Variants in USP49 observed in about 807,000 individuals in gnomAD.
USP49 encodes the protein ubiquitin specific peptidase 49, also known as ubiquitin carboxyl-terminal hydrolase 49.
A neutral mutation model predicts 58.6 loss-of-function variants in USP49; 24 were observed. The observed-to-expected ratio is 0.41, with a 90% CI of 0.30 to 0.58. The LOEUF is 0.58. Ranked by LOEUF, USP49 falls within the 20% of genes least tolerant of loss-of-function variation. USP49 has a pLI of 0.30. For missense variants in USP49, 703 were observed against 866.1 expected, an observed-to-expected ratio of 0.81 and a Z score of 2.36; for synonymous variants, 408 against 365.1, an observed-to-expected ratio of 1.12 and a Z score of -1.34.
rs1181910225 is a variant in USP49 at position 41,804,097 on chromosome 6, T to C, written c.1357-87A>G. 1.5e-5 allele frequency: 18 copies of C among 1,220,328 alleles called. 1 individual carries two copies. In the South Asian group the frequency reaches 2.3e-4, roughly 16 times the overall value. 75.6% of individuals were successfully genotyped at this position (1,220,328 alleles called of 1,614,324 possible). On this transcript the variant is annotated intron_variant, in intron 4 of 7. Coordinates refer to ENST00000682992, the MANE Select transcript of USP49 (RefSeq NM_001286554.2). ...CTTGCTTCATAAAAGACACACTTTA[T>C]CAAAACTAAGTGTATAATTTTCAAA...
At chr6:41,854,692 G>A (rs1055071436) in intron 3 of USP49, among the ~76,000 whole-genome samples, 11 of 152,138 alleles carry the variant, frequency 7.2e-5, no homozygotes, top group Admixed American at 2.0e-4. Context: ...GTACACACAC[G>A]TGTGCATTTT....
intron 3 of USP49, among the ~76,000 whole-genome samples, chr6:41,845,750 A>G (rs1212965364): frequency 1.4e-5 from 2 of 143,774 alleles, no homozygotes; most frequent in African/African-American, 2.5e-5. Context: ...AATTTTTTAA[A>G]TATTTTTTTT....
chr6:41,846,726 G>GTCC (rs1372158006), intron 3 of USP49, among the ~76,000 whole-genome samples: 1 of 152,208 alleles, frequency 6.6e-6, no homozygotes, highest in Non-Finnish European at 1.5e-5. Flanking sequence ...GTCCTTTCAT[G>GTCC]TCCTTCTTCC....
intron 7 of USP49, chr6:41,797,920 T>G: frequency 1.4e-6 from 1 of 725,470 alleles, no homozygotes; most frequent in Non-Finnish European, 1.7e-6. Flanking sequence ...CAGGCTAGAA[T>G]GCAGTGGTGA....
intron 2 of USP49, among the ~76,000 whole-genome samples, chr6:41,881,450 T>G (rs1248957545): frequency 1.3e-5 from 2 of 151,874 alleles, no homozygotes; most frequent in Non-Finnish European, 2.9e-5. Flanking sequence ...AAAAGATTCT[T>G]GGAAAGGTTA....
chr6:41,887,246 A>G (rs1561928004), intron 2 of USP49: 1 of 152,250 alleles, frequency 6.6e-6, no homozygotes. Flanking sequence ...AGATACAAGC[A>G]TCATACAAAA....
chr6:41,809,850 A>C (rs1174097095), intron 3 of USP49, among the ~76,000 whole-genome samples: 1 of 148,964 alleles, frequency 6.7e-6, no homozygotes, highest in East Asian at 2.0e-4. Flanking sequence ...ATAAATAAAA[A>C]TTAAAAAATA....
chr6:41,856,997 G>GA (rs1774143172), intron 3 of USP49, among the ~76,000 whole-genome samples: 1 of 152,158 alleles, frequency 6.6e-6, no homozygotes, highest in Non-Finnish European at 1.5e-5. Flanking sequence ...GGGAGTTTTG[G>GA]AAATGTATCC....
At chr6:41,821,833 A>G (rs1242047918) in intron 3 of USP49, among the ~76,000 whole-genome samples, 1 of 152,194 alleles carries the variant, frequency 6.6e-6, no homozygotes, top group Non-Finnish European at 1.5e-5. Flanking sequence ...GTCTCACTGT[A>G]GTCTCAGCAA....
At chr6:41,885,229 T>C (rs1317830746) in intron 2 of USP49, among the ~76,000 whole-genome samples, 1 of 152,222 alleles carries the variant, frequency 6.6e-6, no homozygotes, top group Non-Finnish European at 1.5e-5. Context: ...CATTATGCCA[T>C]GCTGCTAACA....
rs1043067237 is a variant in USP49, at chr6:41,873,491, G to A, written c.-102-1854C>T. ...TTTTAGGGAGAGCTTACAACTTCTAGTTCTAGGTTCGGGGATCTGAGGCAA... is the reference window on the plus strand; with the variant it reads ...TTTTAGGGAGAGCTTACAACTTCTAATTCTAGGTTCGGGGATCTGAGGCAA... On this transcript the variant is annotated intron_variant, in intron 2 of 7. Transcript: ENST00000682992. Among the ~76,000 whole-genome samples, 7 of 152,182 alleles carry A rather than the reference G, an allele frequency of 4.6e-5. No homozygotes were observed. The East Asian group carries it at 1.3e-3, about 29-fold the overall frequency.
intron 3 of USP49, among the ~76,000 whole-genome samples, chr6:41,822,759 C>T (rs1055898675): frequency 2.0e-5 from 3 of 150,740 alleles, no homozygotes; most frequent in African/African-American, 2.4e-5. Context: ...GCAGAAGAAT[C>T]GCTTGAGCCG....
chr6:41,854,796 C>T (rs1774096993), intron 3 of USP49, among the ~76,000 whole-genome samples: 1 of 152,074 alleles, frequency 6.6e-6, no homozygotes, highest in Non-Finnish European at 1.5e-5. Flanking sequence ...TATTCTGAGA[C>T]AGGGTCTCAC....
intron 2 of USP49, among the ~76,000 whole-genome samples, chr6:41,887,054 TATGAC>T (rs1459528882): frequency 6.6e-6 from 1 of 152,206 alleles, no homozygotes; most frequent in Non-Finnish European, 1.5e-5. Context: ...CAAGTGAGCA[TATGAC>T]ATATCCTACA....
chr6:41,845,520 C>CA (rs879844761), intron 3 of USP49, among the ~76,000 whole-genome samples: 18 of 139,754 alleles, frequency 1.3e-4, no homozygotes, highest in South Asian at 2.3e-4. Context: ...AACTCCATCT[C>CA]AAAAAAAAAA....
At chr6:41,890,230 T>C (rs1364294377) in intron 2 of USP49, among the ~76,000 whole-genome samples, 1 of 151,876 alleles carries the variant, frequency 6.6e-6, no homozygotes, top group African/African-American at 2.4e-5. Flanking sequence ...ATACAAAACC[T>C]TGGCTGGATG....
intron 3 of USP49, among the ~76,000 whole-genome samples, chr6:41,844,999 C>T (rs1270505452): frequency 6.6e-6 from 1 of 152,154 alleles, no homozygotes; most frequent in African/African-American, 2.4e-5. Context: ...CTCCCAGGTT[C>T]AAGCGATTCT....
Position 41,803,486 on chromosome 6 carries a change from T to C in USP49, c.1561+320A>G, listed in dbSNP as rs915654720. Among the ~76,000 whole-genome samples, 8 of 152,214 alleles carry C rather than the reference T, an allele frequency of 5.3e-5. No individual in the cohort carries two copies. Among genetic ancestry groups the C allele is most frequent in the Non-Finnish European group, 1.2e-4 (8 of 68,048 alleles). ...GCCCAGCTAATTTTTGTATTTTTAG[T>C]AGAGACAGGGTTTCACCATGTTGGT... On this transcript the variant is annotated intron_variant, in intron 5 of 7. Transcript: ENST00000682992. This position sits in a 1 kb window ranked among gnomAD's most constrained non-coding sequence, Gnocchi z 4.1.
intron 3 of USP49, among the ~76,000 whole-genome samples, chr6:41,819,264 C>T (rs2127333169): frequency 6.6e-6 from 1 of 152,172 alleles, no homozygotes; most frequent in Middle Eastern, 3.4e-3. Flanking sequence ...TTAGCATGAT[C>T]TCCCTGACAA....
Sources: allele counts gnomAD v4.1 joint callset (sites outside exome capture counted in the v4.1 genomes callset), GRCh38; gene constraint gnomAD v4.1.1; non-coding constraint Gnocchi (gnomAD v3.1); transcripts MANE v1.5; gene names NCBI Gene and HGNC (gene_info 2026-07-23, HGNC 2026-07-21).